The following ERICH1 variants were observed in gnomAD, a reference collection of about 807,000 sequenced individuals.
ERICH1 encodes the protein glutamate-rich protein 1.
In ERICH1, 56 loss-of-function variants were observed where a neutral mutation model predicts 39.6. The ratio of observed to expected loss-of-function variants is 1.41; its 90% CI spans 1.14 to 1.77. The LOEUF is 1.77. ERICH1 is among the 40% of genes most tolerant of loss of function. The probability of loss-of-function intolerance (pLI) is 0.00; values close to 1 mark genes in which losing one functional copy is unlikely to be tolerated. For missense variants in ERICH1, 826 were observed against 575.4 expected (o/e 1.44, Z -4.45); for synonymous variants, 313 against 223.6 (o/e 1.40, Z -3.57).
intron 3 of ERICH1, among the ~76,000 whole-genome samples, chr8:688,547 C>G (rs1808183254): frequency 6.6e-6 from 1 of 151,994 alleles, no homozygotes; most frequent in Non-Finnish European, 1.5e-5. Flanking sequence ...GCACACCGCC[C>G]AACACAAGCG....
chr8:661,536 T>C (rs577626825), downstream of ERICH1, among the ~76,000 whole-genome samples: 32 of 152,334 alleles, frequency 2.1e-4, no homozygotes, highest in Non-Finnish European at 3.4e-4. Flanking sequence ...TCTCTGCCTG[T>C]CTTAATTGAC....
At chr8:691,410 C>T (rs956215789) in intron 3 of ERICH1, among the ~76,000 whole-genome samples, 5 of 152,238 alleles carry the variant, frequency 3.3e-5, no homozygotes, top group African/African-American at 1.2e-4. Flanking sequence ...ACCCTGGGGT[C>T]CAGCACAGGC....
At chr8:697,450 T>C (rs73521153) in intron 2 of ERICH1, among the ~76,000 whole-genome samples, 264 of 152,210 alleles carry the variant, frequency 1.7e-3, no homozygotes, top group African/African-American at 5.9e-3. Context: ...TGCCCACACC[T>C]CAGGGGTGCT....
chr8:727,481 T>C (rs890913601), intron 1 of ERICH1, among the ~76,000 whole-genome samples: 2 of 152,174 alleles, frequency 1.3e-5, no homozygotes, highest in African/African-American at 4.8e-5. Flanking sequence ...CAGCTCCAAC[T>C]TCATCTGAGG....
intron 3 of ERICH1, among the ~76,000 whole-genome samples, chr8:634,971 A>G (rs1798310507): frequency 1.3e-5 from 2 of 152,100 alleles, no homozygotes; most frequent in Admixed American, 1.3e-4. Context: ...AAGGAGGGAA[A>G]GGGATCACGG....
At chr8:631,966 T>G (rs1798067267) in intron 3 of ERICH1, among the ~76,000 whole-genome samples, 1 of 152,190 alleles carries the variant, frequency 6.6e-6, no homozygotes, top group African/African-American at 2.4e-5. Flanking sequence ...AGGTGCTTCC[T>G]GTCCTTCCAG....
At chr8:617,276 T>G (rs1258025427) in intron 3 of ERICH1, among the ~76,000 whole-genome samples, 1 of 152,164 alleles carries the variant, frequency 6.6e-6, no homozygotes, top group Non-Finnish European at 1.5e-5. Flanking sequence ...TAAGTCAGAA[T>G]GTTCCTGGTG....
At chr8:718,857 G>A (rs997995692) in intron 1 of ERICH1, among the ~76,000 whole-genome samples, 21 of 152,202 alleles carry the variant, frequency 1.4e-4, no homozygotes, top group African/African-American at 4.8e-4. Flanking sequence ...GAGCAGATTC[G>A]AGAGGGGTGG....
At chr8:652,725 G>T (rs1426734760) in intron 3 of ERICH1, among the ~76,000 whole-genome samples, 1 of 152,188 alleles carries the variant, frequency 6.6e-6, no homozygotes, top group African/African-American at 2.4e-5. Flanking sequence ...GGGGCACACA[G>T]CTCATCTGAT....
chr8:681,923 C>T (rs1203302603), intron 3 of ERICH1, among the ~76,000 whole-genome samples: 6 of 152,318 alleles, frequency 3.9e-5, no homozygotes, highest in African/African-American at 1.4e-4. Flanking sequence ...CACCCCACCA[C>T]GCCTCGGTGA....
chr8:615,694 G>A (rs1012234215), intron 3 of ERICH1: 1 of 159,356 alleles, frequency 6.3e-6, no homozygotes, highest in Admixed American at 6.4e-5. Flanking sequence ...GTCTAAACAG[G>A]AAAGACAACA....
chr8:683,387 C>G (rs992609582), intron 3 of ERICH1, among the ~76,000 whole-genome samples: 1 of 152,244 alleles, frequency 6.6e-6, no homozygotes, highest in African/African-American at 2.4e-5. Flanking sequence ...CCACCAAGGA[C>G]TGCCTGTGAG....
chr8:688,692 T>G (rs1044310227), intron 3 of ERICH1, among the ~76,000 whole-genome samples: 2 of 151,992 alleles, frequency 1.3e-5, no homozygotes, highest in African/African-American at 4.8e-5. Context: ...AGCAGAGAAG[T>G]GGGGAAAGGT....
intron 3 of ERICH1, among the ~76,000 whole-genome samples, chr8:621,146 T>C (rs1358277221): frequency 6.6e-6 from 1 of 151,672 alleles, no homozygotes; most frequent in Non-Finnish European, 1.5e-5. Context: ...TATGTGAAAA[T>C]TAAACAATAC....
At chr8:654,706 C>G (rs928879685) in intron 3 of ERICH1, among the ~76,000 whole-genome samples, 1 of 152,052 alleles carries the variant, frequency 6.6e-6, no homozygotes, top group African/African-American at 2.4e-5. Context: ...ACAGTGACAT[C>G]CCCCCCAGGC....
At chr8:655,951 T>C (rs1800610009) in intron 3 of ERICH1, among the ~76,000 whole-genome samples, 3 of 151,860 alleles carry the variant, frequency 2.0e-5, no homozygotes, top group South Asian at 4.2e-4. Flanking sequence ...TCGCAACAGG[T>C]CCCTCCCCCT....
intron 3 of ERICH1, chr8:627,285 G>T (rs745816948): frequency 4.5e-6 from 2 of 445,850 alleles, no homozygotes; most frequent in Non-Finnish European, 4.6e-6. Context: ...TTGAAAAGGG[G>T]TGTATAACAG....
chr8:697,627 C>G (rs982252721), intron 2 of ERICH1, among the ~76,000 whole-genome samples: 13 of 152,184 alleles, frequency 8.5e-5, no homozygotes, highest in African/African-American at 3.1e-4. Flanking sequence ...TCTACCAGCT[C>G]TTCGCCATTT....
chr8:649,776 G>T (rs1799709186), intron 3 of ERICH1, among the ~76,000 whole-genome samples: 2 of 152,198 alleles, frequency 1.3e-5, no homozygotes, highest in African/African-American at 4.8e-5. Context: ...CCATCCACGT[G>T]GAGACAGAGC....
Sources: gnomAD v4.1 joint callset for allele counts (sites outside exome capture counted in the v4.1 genomes callset) on GRCh38, gnomAD v4.1.1 for gene constraint, MANE v1.5 for transcripts, NCBI Gene and HGNC (gene_info 2026-07-23, HGNC 2026-07-21) for gene names.